The following GALNTL6 variants were observed in gnomAD, a reference collection of about 807,000 sequenced individuals.
GALNTL6 encodes the protein polypeptide N-acetylgalactosaminyltransferase like 6.
In GALNTL6, 46 loss-of-function variants were observed where a neutral mutation model predicts 73.7. That is an observed-to-expected ratio of 0.62 (90% CI 0.49 to 0.80). GALNTL6 has a LOEUF of 0.80. Ranked by LOEUF, GALNTL6 falls within the 30% of genes least tolerant of loss-of-function variation. The probability of loss-of-function intolerance (pLI) is 0.00; values close to 1 mark genes in which losing one functional copy is unlikely to be tolerated. For synonymous variants in GALNTL6, 259 were observed against 263.7 expected (o/e 0.98, Z 0.17); for missense variants, 604 against 755.0 (o/e 0.80, Z 2.34).
chr4:172,063,818 T>A (rs945346634), intron 2 of GALNTL6, among the ~76,000 whole-genome samples: 1 of 152,206 alleles, frequency 6.6e-6, no homozygotes, highest in African/African-American at 2.4e-5. Context: ...GACATTTTTT[T>A]AAATGTGTGC....
chr4:172,458,476 C>T lies in GALNTL6; in HGVS notation c.553+109787C>T, dbSNP rs114177550. ...TCAACAAAATAGATAGACTGCTAGC[C>T]AGGCTAATAAAGAAGGTAAGAGAGA... On this transcript the variant is annotated intron_variant, in intron 5 of 12. Coordinates refer to ENST00000506823, the MANE Select transcript of GALNTL6 (RefSeq NM_001034845.3). 4.6e-3 allele frequency among the ~76,000 whole-genome samples: 696 copies of T among 151,644 alleles called. 1 individual carries two copies. The highest frequency in any genetic ancestry group is 7.3e-3 in the Non-Finnish European group (495 of 67,896).
chr4:172,225,011 CT>C (rs1736804161), intron 2 of GALNTL6, among the ~76,000 whole-genome samples: 1 of 151,934 alleles, frequency 6.6e-6, no homozygotes, highest in Admixed American at 6.6e-5. Context: ...ATAAAAAGTC[CT>C]CAAGGTGAAA....
At chr4:172,117,162 C>T (rs1273619904) in intron 2 of GALNTL6, among the ~76,000 whole-genome samples, 1 of 152,086 alleles carries the variant, frequency 6.6e-6, no homozygotes, top group Non-Finnish European at 1.5e-5. Flanking sequence ...AACTATCACA[C>T]CAACGTAATT....
At chr4:172,032,649 C>T (rs1014794923) in intron 2 of GALNTL6, among the ~76,000 whole-genome samples, 1 of 151,990 alleles carries the variant, frequency 6.6e-6, no homozygotes, top group African/African-American at 2.4e-5. Flanking sequence ...AAATAAGAAG[C>T]AGCCTTTTAA....
chr4:172,586,935 C>A (rs2110988104), intron 5 of GALNTL6, among the ~76,000 whole-genome samples: 1 of 152,284 alleles, frequency 6.6e-6, no homozygotes, highest in East Asian at 1.9e-4. Flanking sequence ...GACTTCACAG[C>A]AACTTGTGTA....
chr4:172,462,372 C>A lies in GALNTL6; in HGVS notation c.553+113683C>A, dbSNP rs337052. ...TTATTTACAGCTGCCTTGTGTGGGTCTTAAGATATAAAAAGTGTGCTTACC... is the reference window on the plus strand; with the variant it reads ...TTATTTACAGCTGCCTTGTGTGGGTATTAAGATATAAAAAGTGTGCTTACC... On this transcript the variant is annotated intron_variant, in intron 5 of 12. Transcript: ENST00000506823. Among the ~76,000 whole-genome samples, 1,391 of 152,262 alleles carry A rather than the reference C, an allele frequency of 9.1e-3. 27 individuals carry two copies. The highest frequency in any genetic ancestry group is 0.032 in the African/African-American group (1,313 of 41,536).
chr4:172,817,106 C>CAAA (rs368595063), intron 7 of GALNTL6, among the ~76,000 whole-genome samples: 3 of 74,494 alleles, frequency 4.0e-5, no homozygotes, highest in African/African-American at 4.8e-5. Flanking sequence ...ACTCCGTCTC[C>CAAA]AAAAAAAAAA....
At chr4:172,584,579 A>G in intron 5 of GALNTL6, among the ~76,000 whole-genome samples, 1 of 152,198 alleles carries the variant, frequency 6.6e-6, no homozygotes, top group Admixed American at 6.5e-5. Context: ...TTGTGATTAA[A>G]TGGACATGCT....
At chr4:172,602,419 T>G (rs1189898922) in intron 5 of GALNTL6, among the ~76,000 whole-genome samples, 1 of 151,072 alleles carries the variant, frequency 6.6e-6, no homozygotes, top group Non-Finnish European at 1.5e-5. Context: ...ACTATAAAGG[T>G]AAAGGAGGGA....
chr4:172,645,053 T>C (rs1740174927), intron 5 of GALNTL6, among the ~76,000 whole-genome samples: 1 of 152,058 alleles, frequency 6.6e-6, no homozygotes, highest in Non-Finnish European at 1.5e-5. Flanking sequence ...TCTGTTTTTA[T>C]CTCATTGATT....
chr4:172,269,384 A>G (rs1024163706), intron 3 of GALNTL6, among the ~76,000 whole-genome samples: 1 of 152,204 alleles, frequency 6.6e-6, no homozygotes, highest in Admixed American at 6.5e-5. Flanking sequence ...CAGAAAAAGC[A>G]CTGCACTTCT....
chr4:171,825,700 T>C (rs1734805824), intron 2 of GALNTL6, among the ~76,000 whole-genome samples: 1 of 152,176 alleles, frequency 6.6e-6, no homozygotes, highest in Non-Finnish European at 1.5e-5. Flanking sequence ...TTCTCTCCTC[T>C]TCCCAACTTC....
chr4:172,966,980 A>G (rs1750360699), intron 10 of GALNTL6, among the ~76,000 whole-genome samples: 1 of 152,200 alleles, frequency 6.6e-6, no homozygotes, highest in Admixed American at 6.5e-5. Flanking sequence ...TAAGCAACCC[A>G]AAACATAGCT....
chr4:172,933,136 CAT>C (rs1748436698), intron 9 of GALNTL6, among the ~76,000 whole-genome samples: 1 of 152,086 alleles, frequency 6.6e-6, no homozygotes. Context: ...ATTTAGAGCA[CAT>C]GTCACCAATC....
At chr4:172,296,431 T>C (rs1739675983) in intron 3 of GALNTL6, among the ~76,000 whole-genome samples, 1 of 152,174 alleles carries the variant, frequency 6.6e-6, no homozygotes, top group African/African-American at 2.4e-5. Context: ...GTTACATATA[T>C]ATACATGTGG....
Position 172,914,512 on chromosome 4 carries a change from T to C in GALNTL6, c.1042-16649T>C, listed in dbSNP as rs140911914. 3.6e-4 allele frequency among the ~76,000 whole-genome samples: 55 copies of C among 152,242 alleles called. 2 individuals carry two copies. The South Asian group carries it at 3.7e-3, about 10-fold the overall frequency. On this transcript the variant is annotated intron_variant, in intron 8 of 12. Transcript: ENST00000506823. The stretch of plus-strand genomic sequence containing the variant: ...CTGTATTCAGGAAACCCATCTCACA[T>C]GCAGAGACATAGATAAGCTCAAAAT...
At chr4:172,421,602 A>G (rs567968595) in intron 5 of GALNTL6, among the ~76,000 whole-genome samples, 21 of 152,150 alleles carry the variant, frequency 1.4e-4, no homozygotes, top group African/African-American at 4.8e-4. Flanking sequence ...AAACTGTAAA[A>G]TAAATTCTTT....
chr4:172,172,915 A>T (rs1734878415), intron 2 of GALNTL6, among the ~76,000 whole-genome samples: 1 of 152,216 alleles, frequency 6.6e-6, no homozygotes, highest in South Asian at 2.1e-4. Context: ...CGTATGTAAC[A>T]GTGCAATTTG....
At position 172,605,016 on chromosome 4, in the gene GALNTL6, C is replaced by G. The variant is rs576078744; in HGVS notation, c.554-204345C>G. Among the ~76,000 whole-genome samples, 192 of 152,282 alleles carry G rather than the reference C, an allele frequency of 1.3e-3. 1 individual carries two copies. Among genetic ancestry groups the G allele is most frequent in the African/African-American group, 4.4e-3 (184 of 41,558 alleles). ...TGACATTGAAGGAGCACCTCAGACA[C>G]TTTTGTAACTGTGAAAGCACAGATA... On this transcript the variant is annotated intron_variant, in intron 5 of 12. Transcript: ENST00000506823.
Sources: allele counts gnomAD v4.1 joint callset (sites outside exome capture counted in the v4.1 genomes callset), GRCh38; gene constraint gnomAD v4.1.1; transcripts MANE v1.5; gene names NCBI Gene and HGNC (gene_info 2026-07-23, HGNC 2026-07-21).